Variants in CELF2 observed in about 807,000 individuals in gnomAD.
CELF2 encodes the protein CUGBP Elav-like family member 2.
CELF2 carries 8 observed loss-of-function variants against 62.6 expected under a neutral mutation model. The ratio of observed to expected loss-of-function variants is 0.13; its 90% CI spans 0.07 to 0.23. The LOEUF (loss-of-function observed/expected upper bound fraction) is 0.23. CELF2 is among the 10% of genes least tolerant of loss of function. CELF2 has a pLI of 1.00. For synonymous variants in CELF2, 258 were observed against 250.0 expected, an observed-to-expected ratio of 1.03 and a Z score of -0.30; for missense variants, 333 against 671.0, an observed-to-expected ratio of 0.50 and a Z score of 5.56.
chr10:11,303,561 C>T (rs1565880509), intron 9 of CELF2, among the ~76,000 whole-genome samples: 1 of 152,210 alleles, frequency 6.6e-6, no homozygotes, highest in Non-Finnish European at 1.5e-5. Context: ...GACATCAGTG[C>T]CGCCTTCTTG....
At chr10:10,831,075 G>A (rs1354173702) in intron 1 of CELF2, among the ~76,000 whole-genome samples, 1 of 152,210 alleles carries the variant, frequency 6.6e-6, no homozygotes, top group African/African-American at 2.4e-5. Context: ...TGCTGGAAAT[G>A]GGCAATGGTG....
the CELF2 span, among the ~76,000 whole-genome samples, chr10:10,651,292 G>T: frequency 2.7e-5 from 4 of 146,260 alleles, no homozygotes; most frequent in Non-Finnish European, 4.6e-5. Flanking sequence ...TGAGGCTGGG[G>T]GAGGGGTGCC....
chr10:10,799,031 G>T (rs1463350868), intron 1 of CELF2, among the ~76,000 whole-genome samples: 1 of 152,184 alleles, frequency 6.6e-6, no homozygotes, highest in African/African-American at 2.4e-5. Flanking sequence ...CCCCAGGGGG[G>T]AGGTCGGGAA....
rs2065388559 is a variant in CELF2 at position 10,925,624 on chromosome 10, A to G, written c.89+5625A>G. On this transcript the variant is annotated intron_variant, in intron 2 of 13. Coordinates refer to the CELF2 transcript ENST00000636488. Reference sequence around the variant, plus strand: ...AGGGATTTCAGCAGCGAGATGGGCTAGTTCTGATCAGAGGCAGTAAGGACA... The same window carrying G: ...AGGGATTTCAGCAGCGAGATGGGCTGGTTCTGATCAGAGGCAGTAAGGACA... Among the ~76,000 whole-genome samples the G allele has an allele frequency of 2.6e-5, 4 of 152,256 alleles. 1 individual carries two copies. The South Asian group carries it at 8.3e-4, about 32-fold the overall frequency.
At chr10:10,758,868 G>A in the CELF2 span, among the ~76,000 whole-genome samples, 1 of 152,084 alleles carries the variant, frequency 6.6e-6, no homozygotes, top group Non-Finnish European at 1.5e-5. Flanking sequence ...CCTGACATAT[G>A]CCTCACTGTG....
At chr10:10,726,575 G>C in the CELF2 span, among the ~76,000 whole-genome samples, 1 of 152,124 alleles carries the variant, frequency 6.6e-6, no homozygotes, top group Non-Finnish European at 1.5e-5. Context: ...GTAATGTTCA[G>C]GGTGTTTGGC....
chr10:10,901,332 A>G (rs1248469566), intron 1 of CELF2, among the ~76,000 whole-genome samples: 1 of 152,236 alleles, frequency 6.6e-6, no homozygotes, highest in Admixed American at 6.5e-5. Context: ...TAATCAAGGC[A>G]ACAGAATAGA....
At position 11,197,041 on chromosome 10, in the gene CELF2, G is replaced by GAAAGAAAGAAAGAAAGA. The variant is rs2057969630; in HGVS notation, c.272-20371_272-20355dup. Among the ~76,000 whole-genome samples the GAAAGAAAGAAAGAAAGA allele has an allele frequency of 1.7e-4, 3 of 17,440 alleles. 1 individual carries two copies. The highest frequency in any genetic ancestry group is 5.1e-4 in the Non-Finnish European group (3 of 5,920). 11.4% of individuals were successfully genotyped at this position (17,440 alleles called of 152,430 possible). ...GAAAGAAAGAAAAGAAAGAAAGAAA[G>GAAAGAAAGAAAGAAAGA]AAAGAAAGAAAGAAAGAAAAGAAAG... On this transcript the variant is annotated intron_variant, in intron 2 of 12. Coordinates refer to ENST00000633077, the MANE Select transcript of CELF2 (RefSeq NM_001326342.2).
the CELF2 span, among the ~76,000 whole-genome samples, chr10:10,677,896 T>C: frequency 6.6e-6 from 1 of 152,160 alleles, no homozygotes; most frequent in Non-Finnish European, 1.5e-5. Flanking sequence ...ATATGAACAA[T>C]GGAATCAGAT....
the CELF2 span, among the ~76,000 whole-genome samples, chr10:10,634,702 C>T: frequency 6.0e-5 from 9 of 150,042 alleles, no homozygotes; most frequent in South Asian, 2.1e-4. Flanking sequence ...CACTCTGTCA[C>T]CCAGGCTGGA....
At chr10:11,007,986 T>G (rs1396426864) in intron 1 of CELF2, among the ~76,000 whole-genome samples, 1 of 152,146 alleles carries the variant, frequency 6.6e-6, no homozygotes, top group African/African-American at 2.4e-5. Context: ...TATTACCAGC[T>G]CCCGGAATTT....
the CELF2 span, among the ~76,000 whole-genome samples, chr10:10,696,340 T>C: frequency 6.6e-6 from 1 of 151,752 alleles, no homozygotes; most frequent in Admixed American, 6.6e-5. Flanking sequence ...GGGACCCACT[T>C]GAGGAGGCAG....
At chr10:10,882,421 A>G (rs765450300) in intron 1 of CELF2, among the ~76,000 whole-genome samples, 4 of 152,206 alleles carry the variant, frequency 2.6e-5, no homozygotes, top group Non-Finnish European at 1.5e-5. Context: ...TGACTTGACC[A>G]CAAAGGGAAG....
the CELF2 span, among the ~76,000 whole-genome samples, chr10:10,736,396 C>CTTTCTTTCTTTCTTTCTTTTT: frequency 1.3e-5 from 1 of 76,012 alleles, no homozygotes; most frequent in African/African-American, 5.0e-5. Context: ...TTCTTTCTTT[C>CTTTCTTTCTTTCTTTCTTTTT]TTTTTTTTTT....
At chr10:10,776,424 G>C in the CELF2 span, 1 of 154,428 alleles carries the variant, frequency 6.5e-6, no homozygotes, top group East Asian at 1.9e-4. Context: ...TTCGCAGTGC[G>C]TTGGGATCCT....
intron 3 of CELF2, among the ~76,000 whole-genome samples, chr10:11,240,481 AG>A (rs1483107339): frequency 2.0e-5 from 3 of 152,238 alleles, no homozygotes; most frequent in Admixed American, 1.3e-4. Flanking sequence ...GCCCTGTGAA[AG>A]AAACCTCAGA....
intron 9 of CELF2, among the ~76,000 whole-genome samples, chr10:11,291,766 G>A (rs572137910): frequency 1.3e-5 from 2 of 152,186 alleles, no homozygotes; most frequent in Admixed American, 6.5e-5. Context: ...TATGCAAGAG[G>A]CAAATTGTCT....
intron 2 of CELF2, chr10:11,168,906 C>G (rs960780676): frequency 2.0e-5 from 3 of 152,262 alleles, no homozygotes; most frequent in Non-Finnish European, 4.4e-5. Context: ...TCAGTAAACT[C>G]TCTCCCACAT....
chr10:11,198,730 G>T (rs1323118429), intron 2 of CELF2, among the ~76,000 whole-genome samples: 2 of 152,176 alleles, frequency 1.3e-5, no homozygotes, highest in Non-Finnish European at 2.9e-5. Flanking sequence ...CTTCAGACTT[G>T]CATTCTGTAC....
Sources: allele counts gnomAD v4.1 joint callset (sites outside exome capture counted in the v4.1 genomes callset), GRCh38; gene constraint gnomAD v4.1.1; transcripts MANE v1.5; gene names NCBI Gene and HGNC (gene_info 2026-07-23, HGNC 2026-07-21).